The following TPM4 variants were observed in gnomAD, a reference collection of about 807,000 sequenced individuals.
The protein encoded by TPM4 is tropomyosin 4, also known as tropomyosin alpha-4 chain.
In TPM4, 17 loss-of-function variants were observed where a neutral mutation model predicts 35.8. The observed-to-expected ratio is 0.47, with a 90% confidence interval of 0.32 to 0.71. The LOEUF (loss-of-function observed/expected upper bound fraction) is 0.71, where lower values mean the gene tolerates loss of function less well. Ranked by LOEUF, TPM4 falls within the 30% of genes least tolerant of loss-of-function variation. The pLI is 0.03. For synonymous variants in TPM4, 120 were observed against 122.9 expected, an observed-to-expected ratio of 0.98 and a Z score of 0.15; for missense variants, 240 against 320.9, an observed-to-expected ratio of 0.75 and a Z score of 1.93.
At position 16,097,102 on chromosome 19, in the gene TPM4, G is replaced by A. The variant is rs559830676; in HGVS notation, c.664+3349G>A. ...CCGAGTAGCTGGGATTACAGTCGCG[G>A]ACCACCACACTCAGCTAATTTTTGT... On this transcript the variant is annotated intron_variant, in intron 7 of 7. Coordinates refer to ENST00000643579, the MANE Select transcript of TPM4 (RefSeq NM_003290.3). 1.6e-4 allele frequency among the ~76,000 whole-genome samples: 23 copies of A among 145,290 alleles called. No homozygotes were observed. In the East Asian group the frequency reaches 4.6e-3, roughly 29 times the overall value.
At chr19:16,076,236 C>T (rs568160037), upstream of TPM4, 13 of 1,546,030 alleles carry the variant, frequency 8.4e-6, no homozygotes, top group African/African-American at 2.8e-5. Flanking sequence ...GCCGGGAAGG[C>T]GGGGAGAGCC....
chr19:16,101,589 C>A lies in TPM4; in HGVS notation c.*243C>A. 2.4e-6 allele frequency: 1 copy of A among 412,342 alleles called. No homozygotes were observed. The highest frequency in any genetic ancestry group is 4.4e-6 in the Non-Finnish European group (1 of 225,316). The allele number at this position is 412,342 out of a possible 1,614,324, so 25.5% of individuals were successfully genotyped here. On this transcript the variant is annotated 3_prime_UTR_variant, in exon 8 of 8. Coordinates refer to ENST00000643579, the MANE Select transcript of TPM4 (RefSeq NM_003290.3). ...GCTCTCTTATTTTTTCCTTAAGTAG[C>A]ATTTATTCCTAAGGTAGGCAGGGTA...
At chr19:16,095,763 TG>T in intron 7 of TPM4, 1 of 228,534 alleles carries the variant, frequency 4.4e-6, no homozygotes, top group Non-Finnish European at 7.3e-6. Context: ...TTTGTTTTTT[TG>T]TTTTGAGACA....
intron 1 of TPM4, chr19:16,081,393 C>A: frequency 9.2e-6 from 2 of 216,456 alleles, no homozygotes; most frequent in Non-Finnish European, 8.4e-6. Context: ...TACTGGGACA[C>A]TCGCTTTTTT....
intron 2 of TPM4, among the ~76,000 whole-genome samples, chr19:16,084,341 G>A (rs2090522265): frequency 6.6e-6 from 1 of 152,210 alleles, no homozygotes; most frequent in African/African-American, 2.4e-5. Flanking sequence ...CAGGGCAGAG[G>A]GAACAGACGC....
In TPM4 at chr19:16,100,344, G is replaced by A. The variant is rs906153771; in HGVS notation, c.665-920G>A. 4 of 152,238 alleles carry A rather than the reference G, an allele frequency of 2.6e-5. No homozygotes were observed. In the East Asian group the frequency reaches 5.8e-4, roughly 22 times the overall value. The allele number at this position is 152,238 out of a possible 1,614,324, so 9.4% of individuals were successfully genotyped here. ...GCAATGAATAATTTTTTAATCATAA[G>A]TATATCTCTTGCATAAGTACATCTC... On this transcript the variant is annotated intron_variant, in intron 7 of 7. Coordinates refer to ENST00000643579, the MANE Select transcript of TPM4 (RefSeq NM_003290.3).
In TPM4 at chr19:16,088,165, G is replaced by C; in HGVS notation, c.455+68G>C. 6 of 1,560,564 alleles carry C rather than the reference G, an allele frequency of 3.8e-6. 1 individual carries two copies. The highest frequency in any genetic ancestry group is 2.6e-6 in the Non-Finnish European group (3 of 1,149,936). On this transcript the variant is annotated intron_variant, in intron 4 of 7. Coordinates refer to ENST00000643579, the MANE Select transcript of TPM4 (RefSeq NM_003290.3). ...GGGGCGGAGTGGGAAGGAGCTGGCT[G>C]TGTTGGGAATTGGCTCTGACCGGGG...
chr19:16,093,938 A>C (rs543763229), intron 7 of TPM4, among the ~76,000 whole-genome samples, 185 bp downstream of exon 7: 1 of 148,534 alleles, frequency 6.7e-6, no homozygotes, highest in Admixed American at 6.8e-5. Context: ...CAAAGCATTC[A>C]GGCTTGAATG....
chr19:16,082,811 G>C (rs1455110054), intron 2 of TPM4, among the ~76,000 whole-genome samples: 1 of 151,970 alleles, frequency 6.6e-6, no homozygotes, highest in African/African-American at 2.4e-5. Context: ...GGGCAATGTG[G>C]TGAGACCCTG....
At chr19:16,098,637 T>C (rs1474239883) in intron 7 of TPM4, among the ~76,000 whole-genome samples, 1 of 151,714 alleles carries the variant, frequency 6.6e-6, no homozygotes, top group Non-Finnish European at 1.5e-5. Context: ...TCAGGATTTG[T>C]AGTCAAGAGA....
At chr19:16,076,368 C>T (rs2090405143), upstream of TPM4, 2 of 1,439,082 alleles carry the variant, frequency 1.4e-6, no homozygotes, top group Non-Finnish European at 1.8e-6. Context: ...AGGCCCTCCC[C>T]CAGCGGTGCT....
At chr19:16,069,239 G>A (rs1391109707) in intron 2 of TPM4, among the ~76,000 whole-genome samples, 1 of 152,074 alleles carries the variant, frequency 6.6e-6, no homozygotes, top group African/African-American at 2.4e-5. Flanking sequence ...TTAGATGAGT[G>A]TGTGTTTCTG....
chr19:16,099,120 C>T (rs1310313182), intron 7 of TPM4, among the ~76,000 whole-genome samples: 1 of 150,970 alleles, frequency 6.6e-6, no homozygotes, highest in Admixed American at 6.6e-5. Context: ...CACTCTGTCA[C>T]CCAGGCTGGA....
rs1393743072 is a variant in TPM4 at position 16,067,548 on chromosome 19, A to C, written c.-77A>C. 3 of 1,376,568 alleles carry C rather than the reference A, an allele frequency of 2.2e-6. No homozygotes were observed. The highest frequency in any genetic ancestry group is 2.4e-5 in the East Asian group (1 of 42,370). 85.3% of individuals were successfully genotyped at this position (1,376,568 alleles called of 1,614,324 possible). A position where few individuals can be genotyped will look rare whatever the true frequency, so the allele number is the denominator to read the frequency against. On this transcript the variant is annotated 5_prime_UTR_variant, in exon 2 of 3. Transcript: ENST00000589897. The surrounding 1 kb of genome is among the most constrained non-coding windows in gnomAD (Gnocchi z 4.1). ...CACCCTGCCAGGCTCACTCTGCCCC[A>C]CAGCCACAGCCCCTGACTGCCGCAG... is the stretch of plus-strand genomic sequence containing the variant.
At position 16,080,944 on chromosome 19, in the gene TPM4, T is replaced by C. The variant is rs1333649576; in HGVS notation, c.133-969T>C. 7 of 398,260 alleles carry C rather than the reference T, an allele frequency of 1.8e-5. No individual in the cohort carries two copies. The East Asian group carries it at 2.5e-4, about 14-fold the overall frequency. 24.7% of individuals were successfully genotyped at this position (398,260 alleles called of 1,614,324 possible). ...AAACACCTTGAAAAGCCAATAACACTATTGGGGTATGTCTTCCATGCCTGC... is the reference window on the plus strand; with the variant it reads ...AAACACCTTGAAAAGCCAATAACACCATTGGGGTATGTCTTCCATGCCTGC... On this transcript the variant is annotated intron_variant, in intron 1 of 7. Transcript: ENST00000643579.
intron 1 of TPM4, 35 bp downstream of exon 1, chr19:16,076,732 C>G (rs1487252470): frequency 7.8e-7 from 1 of 1,290,312 alleles, no homozygotes; most frequent in Admixed American, 4.2e-5. Context: ...GCACCCGCAG[C>G]CTCCTCCCCC....
Position 16,067,901 on chromosome 19 carries a change from G to T in TPM4, c.114+163G>T, listed in dbSNP as rs1599353688. 3.2e-6 allele frequency: 2 copies of T among 629,392 alleles called. No homozygotes were observed. Among genetic ancestry groups the T allele is most frequent in the East Asian group, 6.6e-5 (2 of 30,486 alleles). The allele number at this position is 629,392 out of a possible 1,614,324, so 39.0% of individuals were successfully genotyped here. On this transcript the variant is annotated intron_variant, in intron 2 of 2. Coordinates refer to the TPM4 transcript ENST00000589897. The surrounding 1 kb of genome is among the most constrained non-coding windows in gnomAD (Gnocchi z 4.1). ...GGGGACCATTGCCTTCCTTGGATGG[G>T]GTCCTGGGCTGGAAGAGGGGTGACG... is the stretch of plus-strand genomic sequence containing the variant.
chr19:16,101,206 T>A, intron 7 of TPM4, 58 bp from the exon 8 acceptor site: 6 of 1,357,888 alleles, frequency 4.4e-6, no homozygotes, highest in Non-Finnish European at 6.0e-6. Flanking sequence ...TTTTTTTTCT[T>A]TCATTTAACA....
At chr19:16,096,078 A>G (rs1274169434) in intron 7 of TPM4, among the ~76,000 whole-genome samples, 3 of 152,014 alleles carry the variant, frequency 2.0e-5, no homozygotes, top group Admixed American at 1.3e-4. Flanking sequence ...GGCATACACC[A>G]CCACACCTGG....
Sources: gnomAD v4.1 joint callset for allele counts (sites outside exome capture counted in the v4.1 genomes callset) on GRCh38, gnomAD v4.1.1 for gene constraint, Gnocchi (gnomAD v3.1) non-coding constraint, MANE v1.5 for transcripts, NCBI Gene and HGNC (gene_info 2026-07-23, HGNC 2026-07-21) for gene names.